Variants in PCDH15 observed in about 807,000 individuals in gnomAD.
The protein encoded by PCDH15 is protocadherin-15.
Under a neutral mutation model 178.5 loss-of-function variants are expected in PCDH15, and 129 were observed. The observed-to-expected ratio is 0.72, with a 90% CI of 0.63 to 0.84. The LOEUF (loss-of-function observed/expected upper bound fraction) is 0.84, where lower values mean the gene tolerates loss of function less well. Among genes scored for constraint, PCDH15 ranks in the 40% least tolerant of loss-of-function variants. PCDH15 has a pLI of 0.00. For synonymous variants in PCDH15, 800 were observed against 732.0 expected, an observed-to-expected ratio of 1.09 and a Z score of -1.50; for missense variants, 2,230 against 2,099.9, an observed-to-expected ratio of 1.06 and a Z score of -1.21.
rs750771419 is a variant in PCDH15, at chr10:53,823,316, G to A, written c.4368-3086C>T. The A allele has an allele frequency of 6.2e-7, 1 of 1,613,900 alleles. No homozygotes were observed. The highest frequency in any genetic ancestry group is 8.5e-7 in the Non-Finnish European group (1 of 1,179,866). On this transcript the variant is annotated intron_variant, in intron 32 of 37. Transcript: ENST00000644397. ...GATGTTTCCTGTCTTCTGAGACTGA[G>A]TTATTTCCCCTGCTTTGTTGAAAAT... is the stretch of plus-strand genomic sequence containing the variant.
chr10:54,255,583 T>C (rs2056834957), intron 8 of PCDH15, among the ~76,000 whole-genome samples: 1 of 152,094 alleles, frequency 6.6e-6, no homozygotes, highest in Admixed American at 6.6e-5. Context: ...TGATAAGACA[T>C]CCACAGACCC....
chr10:54,839,512 T>C (rs1329726403), intron 3 of PCDH15, among the ~76,000 whole-genome samples: 1 of 151,986 alleles, frequency 6.6e-6, no homozygotes, highest in Non-Finnish European at 1.5e-5. Flanking sequence ...ATTTAGAGGA[T>C]CCATGGACAG....
intron 21 of PCDH15, among the ~76,000 whole-genome samples, chr10:53,991,490 C>T (rs1162061537): frequency 2.0e-5 from 3 of 151,534 alleles, no homozygotes; most frequent in African/African-American, 7.3e-5. Context: ...TGTAAATGCA[C>T]CAATCAGCAC....
At chr10:53,819,066 C>T (rs569441805) in intron 33 of PCDH15, among the ~76,000 whole-genome samples, 23 of 152,150 alleles carry the variant, frequency 1.5e-4, no homozygotes, top group East Asian at 7.7e-4. Flanking sequence ...AGTGCTTACA[C>T]GGTTCTGCCA....
chr10:55,591,788 A>T (rs1842846818), intron 2 of PCDH15, among the ~76,000 whole-genome samples: 1 of 152,134 alleles, frequency 6.6e-6, no homozygotes, highest in South Asian at 2.1e-4. Context: ...CATAATACAT[A>T]ACAAAAAAAT....
chr10:54,414,445 A>G (rs1007848384), intron 3 of PCDH15, among the ~76,000 whole-genome samples: 1 of 152,110 alleles, frequency 6.6e-6, no homozygotes, highest in Admixed American at 6.6e-5. Flanking sequence ...GTTCTCCTAT[A>G]ATGAATGACA....
intron 2 of PCDH15, among the ~76,000 whole-genome samples, chr10:55,516,192 G>A (rs564430999): frequency 1.3e-5 from 2 of 151,828 alleles, no homozygotes; most frequent in Admixed American, 6.6e-5. Flanking sequence ...AATTGTGGAC[G>A]GTTCCCCCCC....
intron 32 of PCDH15, chr10:53,823,458 A>C: frequency 8.8e-7 from 1 of 1,139,048 alleles, no homozygotes; most frequent in Non-Finnish European, 1.3e-6. Context: ...TAAATACTTA[A>C]AAACATCAAA....
At chr10:53,883,144 CACACACATATAT>C (rs1228106760) in intron 26 of PCDH15, among the ~76,000 whole-genome samples, 1 of 137,482 alleles carries the variant, frequency 7.3e-6, no homozygotes, top group Admixed American at 7.9e-5. Flanking sequence ...CATAAGAATA[CACACACATATAT>C]ACACACATAT....
chr10:54,202,344 G>A lies in PCDH15; in HGVS notation c.1099-6455C>T, dbSNP rs965121243. ...AAGAGAAAAAAAAAAGAGGGAGGGAGGAAGAAAAAGAGGGAATAAAGGATG... is the reference window on the plus strand; with the variant it reads ...AAGAGAAAAAAAAAAGAGGGAGGGAAGAAGAAAAAGAGGGAATAAAGGATG... On this transcript the variant is annotated intron_variant, in intron 10 of 37. Transcript: ENST00000644397. Among the ~76,000 whole-genome samples the A allele has an allele frequency of 4.6e-5, 7 of 151,814 alleles. No homozygotes were observed. In the South Asian group the frequency reaches 1.5e-3, roughly 32 times the overall value.
chr10:54,369,472 G>A (rs557694291), intron 4 of PCDH15, among the ~76,000 whole-genome samples, 197 bp from the exon 5 acceptor site: 19 of 151,868 alleles, frequency 1.3e-4, no homozygotes, highest in African/African-American at 2.9e-4. Flanking sequence ...GTATCTCAGC[G>A]TGTGGAATTC....
At chr10:54,115,305 C>T (rs188113294) in intron 15 of PCDH15, among the ~76,000 whole-genome samples, 1 of 152,216 alleles carries the variant, frequency 6.6e-6, no homozygotes, top group East Asian at 1.9e-4. Flanking sequence ...AGAAGGACCA[C>T]CTGTTTTCAT....
At chr10:54,145,057 C>G (rs1472117123) in intron 14 of PCDH15, among the ~76,000 whole-genome samples, 1 of 152,012 alleles carries the variant, frequency 6.6e-6, no homozygotes, top group Non-Finnish European at 1.5e-5. Context: ...ACTATGAAGT[C>G]ACAATTTTAA....
intron 3 of PCDH15, among the ~76,000 whole-genome samples, chr10:54,500,137 T>A (rs2080522739): frequency 6.8e-6 from 1 of 147,150 alleles, no homozygotes; most frequent in African/African-American, 2.5e-5. Flanking sequence ...AAAACAACAT[T>A]CTTTGCAACA....
chr10:54,570,792 C>A (rs985287056), intron 2 of PCDH15, among the ~76,000 whole-genome samples: 2 of 151,126 alleles, frequency 1.3e-5, no homozygotes, highest in East Asian at 2.0e-4. Context: ...AGCTGGGATG[C>A]AGGCATGTGC....
chr10:54,551,065 G>A (rs2086524862), intron 2 of PCDH15, among the ~76,000 whole-genome samples: 1 of 139,566 alleles, frequency 7.2e-6, no homozygotes, highest in South Asian at 2.3e-4. Flanking sequence ...CGAGGCAGGA[G>A]AATCTCCTGT....
rs1349551179 is a variant in PCDH15, at chr10:54,697,060, TC to T, written c.-28-32771del. Among the ~76,000 whole-genome samples, 57 of 152,226 alleles carry T rather than the reference TC, an allele frequency of 3.7e-4. 1 individual carries two copies. Among genetic ancestry groups the T allele is most frequent in the Middle Eastern group, 6.8e-3 (2 of 294 alleles). On this transcript the variant is annotated intron_variant, in intron 1 of 37. Transcript: ENST00000644397. ...GTGTAGCTGGGATTACAAATGCACA[TC>T]ACTGAACCCAGCTAGTGCCAATTTT... is the stretch of plus-strand genomic sequence containing the variant.
intron 8 of PCDH15, among the ~76,000 whole-genome samples, chr10:54,311,285 A>G (rs2060889642): frequency 6.6e-6 from 1 of 152,100 alleles, no homozygotes; most frequent in Non-Finnish European, 1.5e-5. Context: ...ACGTTAATAT[A>G]TCATTCATTT....
intron 2 of PCDH15, among the ~76,000 whole-genome samples, chr10:54,598,767 C>T (rs2092365380): frequency 6.6e-6 from 1 of 152,106 alleles, no homozygotes; most frequent in African/African-American, 2.4e-5. Context: ...CAAACAACTT[C>T]AGCAAAGTAT....
Sources: gnomAD v4.1 joint callset for allele counts (sites outside exome capture counted in the v4.1 genomes callset) on GRCh38, gnomAD v4.1.1 for gene constraint, MANE v1.5 for transcripts, NCBI Gene and HGNC (gene_info 2026-07-23, HGNC 2026-07-21) for gene names.